Variants in ARSH observed in about 807,000 individuals in gnomAD.
ARSH encodes the protein arylsulfatase family member H, also known as arylsulfatase H.
In ARSH, 32 loss-of-function variants were observed where a neutral mutation model predicts 28.7. The observed-to-expected ratio is 1.11, with a 90% CI of 0.84 to 1.50. ARSH has a LOEUF of 1.50. ARSH is among the 40% of genes most tolerant of loss of function. ARSH has a pLI of 0.00. For missense variants in ARSH, 440 were observed against 452.4 expected (o/e 0.97, Z 0.25); for synonymous variants, 176 against 177.3 (o/e 0.99, Z 0.06).
Position 3,013,075 on chromosome X carries a change from T to G in ARSH, c.243T>G (p.Arg81=). ...SGMVSAYNLN[R]AFTWLGGSGG... is the part of the protein sequence containing the mutation. ...TGGTGTCTGCCTACAACCTGAACCG[T>G]GCCTTCACGTGGCTTGGTGGGTCAG... The change falls in exon 3 of 9, where the codon CGT becomes CGG. Residue 81 remains arginine, a synonymous_variant. Transcript: ENST00000381130. 1 of 1,211,219 alleles carries G rather than the reference T, an allele frequency of 8.3e-7. No individual in the cohort carries two copies. Among genetic ancestry groups the G allele is most frequent in the Non-Finnish European group, 1.1e-6 (1 of 895,176 alleles).
At chrX:3,015,666 A>G (rs1283916378) in intron 4 of ARSH, among the ~76,000 whole-genome samples, 1 of 111,028 alleles carries the variant, frequency 9.0e-6, no homozygotes, top group African/African-American at 3.3e-5. Flanking sequence ...GGACATAAAC[A>G]TGGAAACAAT....
Position 3,026,876 on chromosome X carries a change from G to A in ARSH, c.1037-437G>A, listed in dbSNP as rs183209970. ...TTTTCTTTTTTATTTTTTGGAGACA[G>A]AGTCTCACCCTGTCACCGAGGCTGG... is the stretch of plus-strand genomic sequence containing the variant. On this transcript the variant is annotated intron_variant, in intron 6 of 8. Transcript: ENST00000381130. Among the ~76,000 whole-genome samples the A allele has an allele frequency of 4.3e-3, 480 of 110,619 alleles. 5 individuals are homozygous for A. The highest frequency in any genetic ancestry group is 0.015 in the African/African-American group (459 of 30,392).
intron 6 of ARSH, among the ~76,000 whole-genome samples, chrX:3,026,602 T>C (rs1314741159): frequency 8.9e-6 from 1 of 111,991 alleles, no homozygotes; most frequent in Admixed American, 9.5e-5. Flanking sequence ...GCCATTTTTC[T>C]ATTCTGTAAC....
chrX:3,013,058 G>GC lies in ARSH; in HGVS notation c.228dup (p.Tyr77LeufsTer20). Reference sequence around the variant, plus strand: ...TTCTGTGAATTTAGGGATGGTGTCTGCCTACAACCTGAACCGTGCCTTCAC... The same window carrying GC: ...TTCTGTGAATTTAGGGATGGTGTCTGCCCTACAACCTGAACCGTGCCTTCAC... On this transcript the variant is annotated frameshift_variant, in exon 3 of 9. Coordinates refer to ENST00000381130, the MANE Select transcript of ARSH (RefSeq NM_001011719.2). LOFTEE classifies it high-confidence loss of function. 1 of 1,210,394 alleles carries GC rather than the reference G, an allele frequency of 8.3e-7. No homozygotes were observed. Among genetic ancestry groups the GC allele is most frequent in the Non-Finnish European group, 1.1e-6 (1 of 894,943 alleles).
chrX:3,007,798 T>C (rs2089832713), intron 1 of ARSH, among the ~76,000 whole-genome samples: 1 of 110,110 alleles, frequency 9.1e-6, no homozygotes, highest in Middle Eastern at 4.6e-3. Context: ...GAGATCAAGG[T>C]GTCTGCAGGG....
chrX:3,023,142 A>G (rs1475430371), intron 5 of ARSH, among the ~76,000 whole-genome samples: 3 of 104,820 alleles, frequency 2.9e-5, no homozygotes, highest in Non-Finnish European at 5.8e-5. Context: ...AATATAATTA[A>G]TGTATCTAGT....
chrX:3,027,255 C>T (rs762340283), intron 6 of ARSH, 58 bp from the exon 7 acceptor site: 92 of 1,173,637 alleles, frequency 7.8e-5, no homozygotes, highest in Middle Eastern at 3.3e-4. Flanking sequence ...CCACCGTGCC[C>T]GGCCAATATG....
chrX:3,023,899 T>A, intron 5 of ARSH, 122 bp from the exon 6 acceptor site: 2 of 700,138 alleles, frequency 2.9e-6, no homozygotes, highest in Non-Finnish European at 4.2e-6. Flanking sequence ...TTATACAATA[T>A]CGTGTAGTGC....
chrX:3,022,854 G>A (rs891763486), intron 5 of ARSH, among the ~76,000 whole-genome samples: 1 of 110,781 alleles, frequency 9.0e-6, no homozygotes, highest in African/African-American at 3.3e-5. Context: ...CCTGGAGTAC[G>A]GGGATGGCTT....
chrX:3,022,422 A>G lies in ARSH; in HGVS notation c.902-1599A>G, dbSNP rs184972883. Among the ~76,000 whole-genome samples, 718 of 112,093 alleles carry G rather than the reference A, an allele frequency of 6.4e-3. 6 individuals are homozygous for G. Among genetic ancestry groups the G allele is most frequent in the African/African-American group, 0.022 (681 of 30,986 alleles). On this transcript the variant is annotated intron_variant, in intron 5 of 8. Transcript: ENST00000381130. ...AAAAATAGTATATGTCACTTCTAAA[A>G]CAAATCACTGAGTTTACGTATAAAC...
At chrX:3,031,091 C>T (rs1288905907) in intron 8 of ARSH, among the ~76,000 whole-genome samples, 1 of 108,458 alleles carries the variant, frequency 9.2e-6, no homozygotes, top group African/African-American at 3.4e-5. Context: ...AATGATCGTG[C>T]CACTGTACTC....
chrX:3,026,532 G>T (rs1477951674), intron 6 of ARSH, among the ~76,000 whole-genome samples: 2 of 111,701 alleles, frequency 1.8e-5, no homozygotes, highest in African/African-American at 6.5e-5. Context: ...CTCCAGAGAG[G>T]TTCCTATTTT....
chrX:3,014,283 G>A (rs1307056058), intron 3 of ARSH, among the ~76,000 whole-genome samples: 1 of 111,205 alleles, frequency 9.0e-6, no homozygotes, highest in Non-Finnish European at 1.9e-5. Context: ...AAATAATCTA[G>A]ACAATGTGTT....
rs1264529065 is a variant in ARSH at position 3,033,453 on chromosome X, C to T, written c.*68C>T. 43 of 1,037,248 alleles carry T rather than the reference C, an allele frequency of 4.1e-5. No homozygotes were observed. The Middle Eastern group carries it at 2.3e-3, about 56-fold the overall frequency. 85.5% of individuals were successfully genotyped at this position (1,037,248 alleles called of 1,213,427 possible). ...CAATGGTCATAGGAGCAGAGCTCAC[C>T]TGACTGATTCATTCCATTTGGGATA... is the stretch of plus-strand genomic sequence containing the variant. On this transcript the variant is annotated 3_prime_UTR_variant, in exon 9 of 9. Coordinates refer to ENST00000381130, the MANE Select transcript of ARSH (RefSeq NM_001011719.2).
intron 5 of ARSH, 64 bp from the exon 6 acceptor site, chrX:3,023,957 T>G (rs1016179179): frequency 5.2e-6 from 6 of 1,164,290 alleles, no homozygotes; most frequent in Non-Finnish European, 7.0e-6. Flanking sequence ...GTAGCAGATA[T>G]GTAATAAAGC....
intron 1 of ARSH, 69 bp downstream of exon 1, chrX:3,006,773 C>G (rs1178352010): frequency 3.3e-6 from 3 of 905,371 alleles, no homozygotes; most frequent in Non-Finnish European, 4.7e-6. Flanking sequence ...ACGTCTTTGC[C>G]GTTGCAGAGA....
At chrX:3,011,409 C>T (rs953149717) in intron 2 of ARSH, among the ~76,000 whole-genome samples, 2 of 109,577 alleles carry the variant, frequency 1.8e-5, no homozygotes, top group South Asian at 4.0e-4. Context: ...CCACCACACC[C>T]GGCTAATTTT....
chrX:3,018,455 A>T (rs1439789024), intron 4 of ARSH, 79 bp from the exon 5 acceptor site: 2 of 1,033,362 alleles, frequency 1.9e-6, no homozygotes, highest in Admixed American at 4.9e-5. Flanking sequence ...AGATCTTTTC[A>T]TCAGTGCAGA....
intron 8 of ARSH, among the ~76,000 whole-genome samples, chrX:3,031,088 G>A (rs909387472): frequency 9.2e-6 from 1 of 109,010 alleles, no homozygotes; most frequent in Admixed American, 1.0e-4. Flanking sequence ...GGCAATGATC[G>A]TGCCACTGTA....
Sources: gnomAD v4.1 joint callset for allele counts (sites outside exome capture counted in the v4.1 genomes callset) on GRCh38, gnomAD v4.1.1 for gene constraint, MANE v1.5 for transcripts, NCBI Gene and HGNC (gene_info 2026-07-23, HGNC 2026-07-21) for gene names.